The following TMOD2 variants were observed in gnomAD, a reference collection of about 807,000 sequenced individuals.
TMOD2 encodes the protein tropomodulin 2.
In TMOD2, 22 loss-of-function variants were observed where a neutral mutation model predicts 39.9. The observed-to-expected ratio is 0.55, with a 90% CI of 0.39 to 0.79. The LOEUF is 0.79. Ranked by LOEUF, TMOD2 falls within the 30% of genes least tolerant of loss-of-function variation. The pLI is 0.00. For missense variants in TMOD2, 386 were observed against 413.3 expected, an observed-to-expected ratio of 0.93 and a Z score of 0.57; for synonymous variants, 123 against 146.1, an observed-to-expected ratio of 0.84 and a Z score of 1.14.
At chr15:51,806,793 C>T (rs943578154) in intron 9 of TMOD2, among the ~76,000 whole-genome samples, 5 of 152,154 alleles carry the variant, frequency 3.3e-5, no homozygotes, top group Non-Finnish European at 7.3e-5. Flanking sequence ...GTATTTGTTT[C>T]TCTTTTACTT....
Position 51,806,368 on chromosome 15 carries a change from T to C in TMOD2, c.877-9T>C. ...GTCATCCTGTGCATGTGTCTGCACCTGCAACCAGAGGCAGCAGTTGGGAAC... is the reference window on the plus strand; with the variant it reads ...GTCATCCTGTGCATGTGTCTGCACCCGCAACCAGAGGCAGCAGTTGGGAAC... On this transcript the variant is annotated splice_polypyrimidine_tract_variant and intron_variant, in intron 8 of 9. Coordinates refer to ENST00000249700, the MANE Select transcript of TMOD2 (RefSeq NM_014548.4). 6.2e-7 allele frequency: 1 copy of C among 1,614,078 alleles called. No individual in the cohort carries two copies. Among genetic ancestry groups the C allele is most frequent in the Non-Finnish European group, 8.5e-7 (1 of 1,179,940 alleles).
intron 7 of TMOD2, among the ~76,000 whole-genome samples, chr15:51,789,882 C>T (rs1386776144): frequency 1.3e-5 from 2 of 152,196 alleles, no homozygotes; most frequent in Non-Finnish European, 2.9e-5. Context: ...AAATTTATAG[C>T]ACTAAATGCT....
chr15:51,764,161 T>C (rs911987840), intron 1 of TMOD2, among the ~76,000 whole-genome samples: 1 of 152,000 alleles, frequency 6.6e-6, no homozygotes, highest in African/African-American at 2.4e-5. Context: ...TCGTGGCACA[T>C]GCCTGTAGTC....
At chr15:51,801,717 G>A (rs1448116448) in intron 8 of TMOD2, among the ~76,000 whole-genome samples, 1 of 152,132 alleles carries the variant, frequency 6.6e-6, no homozygotes, top group Non-Finnish European at 1.5e-5. Flanking sequence ...AATTTGAGTA[G>A]ATAAAAGAGG....
Position 51,810,233 on chromosome 15 carries a change from A to G in TMOD2, c.*1779A>G, listed in dbSNP as rs2056147450. 1.3e-5 allele frequency: 2 copies of G among 152,214 alleles called. No individual in the cohort carries two copies. The highest frequency in any genetic ancestry group is 4.8e-5 in the African/African-American group (2 of 41,452). The allele number at this position is 152,214 out of a possible 1,614,324, so 9.4% of individuals were successfully genotyped here. ...GCTTGCCAACTGTTATATTTTCAAG[A>G]ATTTTGCAAACTGGTTGTTCAATAC... On this transcript the variant is annotated 3_prime_UTR_variant, in exon 10 of 10. Coordinates refer to ENST00000249700, the MANE Select transcript of TMOD2 (RefSeq NM_014548.4).
chr15:51,806,667 T>C lies in TMOD2; in HGVS notation c.1021+146T>C, dbSNP rs959267334. 6.8e-6 allele frequency: 6 copies of C among 880,668 alleles called. No individual in the cohort carries two copies. In the Admixed American group the frequency reaches 1.6e-4, roughly 24 times the overall value. 54.6% of individuals were successfully genotyped at this position (880,668 alleles called of 1,614,324 possible). A position where few individuals can be genotyped will look rare whatever the true frequency, so the allele number is the denominator to read the frequency against. On this transcript the variant is annotated intron_variant, in intron 9 of 9. Transcript: ENST00000249700. The stretch of plus-strand genomic sequence containing the variant: ...ATATAAGACGCATTATTATAATACA[T>C]GGTCATAGGAGTCTTTGTGGTCCTC...
rs1484824575 is a variant in TMOD2, at chr15:51,801,283, A to ACG, written c.876+2944_876+2945insGC. The stretch of plus-strand genomic sequence containing the variant: ...CACACACACACACACACACACACAC[A>ACG]CCCTGTCTCTCTCTCTCTCTCTCTC... On this transcript the variant is annotated intron_variant, in intron 8 of 9. Coordinates refer to ENST00000249700, the MANE Select transcript of TMOD2 (RefSeq NM_014548.4). Among the ~76,000 whole-genome samples the ACG allele has an allele frequency of 1.4e-4, 18 of 125,954 alleles. No homozygotes were observed. In the South Asian group the frequency reaches 4.5e-3, roughly 32 times the overall value. The allele number at this position is 125,954 out of a possible 152,430, so 82.6% of individuals were successfully genotyped here. A position where few individuals can be genotyped will look rare whatever the true frequency, so the allele number is the denominator to read the frequency against.
intron 8 of TMOD2, among the ~76,000 whole-genome samples, chr15:51,803,190 T>C (rs200703046): frequency 6.7e-6 from 1 of 148,852 alleles, no homozygotes; most frequent in Admixed American, 6.7e-5. Context: ...TTTTTTTTTT[T>C]TCTTTTTGAG....
chr15:51,795,429 A>AG (rs2056041402), intron 7 of TMOD2, among the ~76,000 whole-genome samples: 1 of 89,632 alleles, frequency 1.1e-5, no homozygotes, highest in Admixed American at 1.2e-4. Context: ...ACTTTGTCTC[A>AG]AAAAAAAAAA....
intron 3 of TMOD2, among the ~76,000 whole-genome samples, chr15:51,768,723 C>T (rs2055834208): frequency 6.6e-6 from 1 of 151,520 alleles, no homozygotes; most frequent in South Asian, 2.1e-4. Context: ...GAAATAAGCC[C>T]ATGAACTAGA....
intron 6 of TMOD2, among the ~76,000 whole-genome samples, chr15:51,781,705 A>G (rs56148956): frequency 0.39 from 59,675 of 151,748 alleles, 11,834 homozygotes; most frequent in Middle Eastern, 0.45. Context: ...GCAGGAAGCC[A>G]CAATACCTGT....
chr15:51,801,283 A>C (rs867696894), intron 8 of TMOD2, among the ~76,000 whole-genome samples: 273 of 125,948 alleles, frequency 2.2e-3, no homozygotes, highest in Non-Finnish European at 3.4e-3. Context: ...ACACACACAC[A>C]CCCTGTCTCT....
intron 1 of TMOD2, among the ~76,000 whole-genome samples, chr15:51,766,171 T>C (rs2055815256): frequency 6.6e-6 from 1 of 152,218 alleles, no homozygotes; most frequent in South Asian, 2.1e-4. Context: ...ACAGGATTGT[T>C]GTAAAGATCA....
At chr15:51,769,949 T>G (rs2055842196) in intron 3 of TMOD2, among the ~76,000 whole-genome samples, 1 of 152,150 alleles carries the variant, frequency 6.6e-6, no homozygotes, top group African/African-American at 2.4e-5. Context: ...GAGGATTGCT[T>G]GAACCCAGGA....
chr15:51,757,061 C>T (rs1197447624), intron 1 of TMOD2, among the ~76,000 whole-genome samples: 2 of 152,096 alleles, frequency 1.3e-5, no homozygotes, highest in African/African-American at 2.4e-5. Context: ...TGGTGCAAAT[C>T]GGTGCACTAA....
intron 1 of TMOD2, among the ~76,000 whole-genome samples, chr15:51,760,388 A>G (rs893961600): frequency 7.2e-5 from 11 of 152,010 alleles, no homozygotes; most frequent in African/African-American, 2.7e-4. Flanking sequence ...GGCCCCTTCC[A>G]CCATCTTCAA....
Position 51,812,525 on chromosome 15 carries a change from T to C in TMOD2, c.*4071T>C, listed in dbSNP as rs776974502. The stretch of plus-strand genomic sequence containing the variant: ...ATGTACTCAGCCCCCTCCTAGGCAC[T>C]ACGAAGAAGACAGAGGAAGCATAAA... On this transcript the variant is annotated 3_prime_UTR_variant, in exon 10 of 10. Transcript: ENST00000249700. 12 of 152,222 alleles carry C rather than the reference T, an allele frequency of 7.9e-5. No homozygotes were observed. The highest frequency in any genetic ancestry group is 1.5e-4 in the Non-Finnish European group (10 of 68,036). The allele number at this position is 152,222 out of a possible 1,614,324, so 9.4% of individuals were successfully genotyped here.
intron 8 of TMOD2, among the ~76,000 whole-genome samples, chr15:51,804,067 C>T (rs1260291413): frequency 9.9e-5 from 15 of 152,170 alleles, no homozygotes; most frequent in South Asian, 2.1e-4. Flanking sequence ...TATCAGAATT[C>T]GAAACATGCT....
Position 51,813,529 on chromosome 15 carries a change from G to C in TMOD2, c.*5075G>C, listed in dbSNP as rs1276544823. On this transcript the variant is annotated 3_prime_UTR_variant, in exon 10 of 10. Coordinates refer to ENST00000249700, the MANE Select transcript of TMOD2 (RefSeq NM_014548.4). The stretch of plus-strand genomic sequence containing the variant: ...ATGGTGAAGGGGCACCGTACTAACA[G>C]ATTTGGAGACTGAAACCTAATCCCA... 6.6e-6 allele frequency: 1 copy of C among 152,242 alleles called. No homozygotes were observed. Among genetic ancestry groups the C allele is most frequent in the Non-Finnish European group, 1.5e-5 (1 of 68,050 alleles). The allele number at this position is 152,242 out of a possible 1,614,324, so 9.4% of individuals were successfully genotyped here. A position where few individuals can be genotyped will look rare whatever the true frequency, so the allele number is the denominator to read the frequency against.
Sources: allele counts gnomAD v4.1 joint callset (sites outside exome capture counted in the v4.1 genomes callset), GRCh38; gene constraint gnomAD v4.1.1; transcripts MANE v1.5; gene names NCBI Gene and HGNC (gene_info 2026-07-23, HGNC 2026-07-21).